Variants in PRKCZ observed in about 807,000 individuals in gnomAD.
The protein encoded by PRKCZ is protein kinase C zeta.
A neutral mutation model predicts 79.5 loss-of-function variants in PRKCZ; 33 were observed. The ratio of observed to expected loss-of-function variants is 0.41; its 90% CI spans 0.31 to 0.55. PRKCZ has a LOEUF of 0.55. Ranked by LOEUF, PRKCZ falls within the 20% of genes least tolerant of loss-of-function variation. PRKCZ has a pLI of 0.19. For synonymous variants in PRKCZ, 342 were observed against 320.9 expected, an observed-to-expected ratio of 1.07 and a Z score of -0.70; for missense variants, 578 against 813.5, an observed-to-expected ratio of 0.71 and a Z score of 3.52.
At chr1:2,083,923 G>A (rs1664035580) in intron 4 of PRKCZ, among the ~76,000 whole-genome samples, 3 of 152,152 alleles carry the variant, frequency 2.0e-5, no homozygotes, top group Admixed American at 1.3e-4. Context: ...TTTCTTACGC[G>A]TGCGTGTGTT....
intron 4 of PRKCZ, among the ~76,000 whole-genome samples, chr1:2,129,884 G>T (rs926306210): frequency 3.9e-5 from 6 of 152,086 alleles, no homozygotes; most frequent in Non-Finnish European, 8.8e-5. Context: ...AAATAAAAAG[G>T]ATGGGTTTTT....
rs1230243568 is a variant in PRKCZ, at chr1:2,169,013, C to T, written c.975-505C>T. The T allele has an allele frequency of 2.1e-5, 8 of 374,468 alleles. No homozygotes were observed. In the Admixed American group the frequency reaches 2.6e-4, roughly 12 times the overall value. 23.2% of individuals were successfully genotyped at this position (374,468 alleles called of 1,614,324 possible). A position where few individuals can be genotyped will look rare whatever the true frequency, so the allele number is the denominator to read the frequency against. ...TGCGAAACCGGGATGCCACTTCCCACCTGGCTTCTCCCTGACCCCAGCTTG... is the reference window on the plus strand; with the variant it reads ...TGCGAAACCGGGATGCCACTTCCCATCTGGCTTCTCCCTGACCCCAGCTTG... On this transcript the variant is annotated intron_variant, in intron 10 of 17. Coordinates refer to ENST00000378567, the MANE Select transcript of PRKCZ (RefSeq NM_002744.6).
chr1:2,150,575 T>C (rs1317135114), intron 8 of PRKCZ, among the ~76,000 whole-genome samples: 1 of 152,220 alleles, frequency 6.6e-6, no homozygotes, highest in Non-Finnish European at 1.5e-5. Flanking sequence ...AGCACCTTCC[T>C]CAGAAGCACA....
chr1:2,164,603 G>A (rs189059768), intron 10 of PRKCZ, among the ~76,000 whole-genome samples: 1 of 152,364 alleles, frequency 6.6e-6, no homozygotes, highest in East Asian at 1.9e-4. Context: ...CTTAGATCCA[G>A]AATGGATGCC....
At chr1:2,112,597 AT>A (rs1669964137) in intron 4 of PRKCZ, among the ~76,000 whole-genome samples, 2 of 152,076 alleles carry the variant, frequency 1.3e-5, no homozygotes, top group Non-Finnish European at 2.9e-5. Flanking sequence ...GATGCCTGTA[AT>A]CATCACAGTA....
chr1:2,081,512 G>A (rs565123389), intron 4 of PRKCZ, among the ~76,000 whole-genome samples: 1 of 152,332 alleles, frequency 6.6e-6, no homozygotes, highest in South Asian at 2.1e-4. Flanking sequence ...TCCCATGGCT[G>A]CAGACCCCGG....
At chr1:2,152,422 A>C (rs1319198856) in intron 9 of PRKCZ, among the ~76,000 whole-genome samples, 2 of 151,978 alleles carry the variant, frequency 1.3e-5, no homozygotes. Flanking sequence ...AATCCCAGCT[A>C]CTCAGAGGCT....
chr1:2,070,099 G>T (rs572390575), intron 4 of PRKCZ, among the ~76,000 whole-genome samples: 1 of 152,244 alleles, frequency 6.6e-6, no homozygotes, highest in Non-Finnish European at 1.5e-5. Flanking sequence ...CTGGGCAGCC[G>T]CAGACCCCAC....
chr1:2,115,881 T>C (rs1571507836), intron 4 of PRKCZ, among the ~76,000 whole-genome samples: 1 of 152,164 alleles, frequency 6.6e-6, no homozygotes. Flanking sequence ...GACCATGTCA[T>C]TGAGGGCTTT....
chr1:2,088,277 C>G (rs978104055), intron 4 of PRKCZ, among the ~76,000 whole-genome samples: 8 of 152,132 alleles, frequency 5.3e-5, no homozygotes, highest in African/African-American at 1.9e-4. Context: ...GCTCCCTCCC[C>G]CTTGCCTGGA....
chr1:2,131,873 G>A (rs894756539), intron 4 of PRKCZ, among the ~76,000 whole-genome samples: 5 of 152,182 alleles, frequency 3.3e-5, no homozygotes, highest in Admixed American at 1.3e-4. Context: ...GTGCAGTGGC[G>A]CGATCGCGGC....
At chr1:2,090,454 A>ATGGTGC (rs1184161134) in intron 4 of PRKCZ, among the ~76,000 whole-genome samples, 1 of 152,008 alleles carries the variant, frequency 6.6e-6, no homozygotes. Context: ...TCCCCACAGG[A>ATGGTGC]TGGTGCTGGC....
chr1:2,051,854 T>C (rs1419023663), intron 1 of PRKCZ, among the ~76,000 whole-genome samples: 1 of 152,050 alleles, frequency 6.6e-6, no homozygotes, highest in East Asian at 1.9e-4. Flanking sequence ...TGTCTCTTCT[T>C]TGGGAAGGTT....
At chr1:2,145,834 C>G (rs930880584) in intron 6 of PRKCZ, among the ~76,000 whole-genome samples, 193 bp from the exon 7 acceptor site, 3 of 152,118 alleles carry the variant, frequency 2.0e-5, no homozygotes, top group African/African-American at 7.2e-5. Flanking sequence ...GAGGATTGCT[C>G]GAGCTCAGGA....
At chr1:2,067,969 C>T (rs968059538) in intron 4 of PRKCZ, among the ~76,000 whole-genome samples, 1 of 152,212 alleles carries the variant, frequency 6.6e-6, no homozygotes, top group African/African-American at 2.4e-5. Flanking sequence ...GGACGGGGCC[C>T]TTCTCTTGGA....
At chr1:2,088,044 T>C (rs1664841524) in intron 4 of PRKCZ, among the ~76,000 whole-genome samples, 1 of 152,212 alleles carries the variant, frequency 6.6e-6, no homozygotes, top group African/African-American at 2.4e-5. Context: ...GAGCCCATCC[T>C]GAATAGCGGC....
intron 16 of PRKCZ, among the ~76,000 whole-genome samples, chr1:2,176,916 C>T (rs990539372): frequency 2.0e-5 from 3 of 152,216 alleles, no homozygotes; most frequent in East Asian, 1.9e-4. Flanking sequence ...CATTCTCTGT[C>T]GTGCGGTTGT....
intron 6 of PRKCZ, 22 bp downstream of exon 6, chr1:2,144,363 G>A: frequency 6.4e-7 from 1 of 1,558,804 alleles, no homozygotes; most frequent in Non-Finnish European, 8.7e-7. Flanking sequence ...GGCTGGGGAG[G>A]CCCGGGGGGC....
intron 3 of PRKCZ, among the ~76,000 whole-genome samples, chr1:2,058,644 C>T (rs532971496): frequency 5.9e-5 from 9 of 152,078 alleles, no homozygotes; most frequent in African/African-American, 1.7e-4. Flanking sequence ...ACTTGTAATC[C>T]CAGCACTTTG....
Sources: allele counts gnomAD v4.1 joint callset (sites outside exome capture counted in the v4.1 genomes callset), GRCh38; gene constraint gnomAD v4.1.1; transcripts MANE v1.5; gene names NCBI Gene and HGNC (gene_info 2026-07-23, HGNC 2026-07-21).